The following RBPJ variants were observed in gnomAD, a reference collection of about 807,000 sequenced individuals.
RBPJ encodes recombining binding protein suppressor of hairless.
RBPJ carries 9 observed loss-of-function variants against 67.8 expected under a neutral mutation model. That is an observed-to-expected ratio of 0.13 (90% confidence interval 0.08 to 0.23). The LOEUF (loss-of-function observed/expected upper bound fraction) is 0.23. Ranked by LOEUF, RBPJ falls within the 10% of genes least tolerant of loss-of-function variation. RBPJ has a pLI of 1.00. For missense variants in RBPJ, 305 were observed against 595.6 expected (o/e 0.51, Z 5.08); for synonymous variants, 198 against 203.3 (o/e 0.97, Z 0.22).
At chr4:26,349,245 A>T (rs1357678157) in intron 1 of RBPJ, among the ~76,000 whole-genome samples, 1 of 151,570 alleles carries the variant, frequency 6.6e-6, no homozygotes, top group Non-Finnish European at 1.5e-5. Flanking sequence ...TGTTTTTAAA[A>T]TTTTTTTGTA....
At chr4:26,167,937 C>T (rs1197887170) in intron 1 of RBPJ, among the ~76,000 whole-genome samples, 1 of 151,944 alleles carries the variant, frequency 6.6e-6, no homozygotes, top group African/African-American at 2.4e-5. Flanking sequence ...AGATCTTCCT[C>T]CATCCTTTTA....
chr4:26,404,523 A>G (rs1404166763), intron 2 of RBPJ, among the ~76,000 whole-genome samples: 1 of 152,178 alleles, frequency 6.6e-6, no homozygotes, highest in Admixed American at 6.6e-5. Context: ...GCCGTGGCTC[A>G]CCTTAGAATC....
upstream of RBPJ, among the ~76,000 whole-genome samples, chr4:26,162,261 C>T (rs1716101361): frequency 1.3e-5 from 2 of 152,218 alleles, no homozygotes; most frequent in African/African-American, 4.8e-5. Flanking sequence ...CCGACCGTCT[C>T]ACTTTGCCTG....
the RBPJ span, among the ~76,000 whole-genome samples, chr4:26,136,541 C>G: frequency 6.6e-6 from 1 of 152,216 alleles, no homozygotes; most frequent in Non-Finnish European, 1.5e-5. Flanking sequence ...TGGATGGAAA[C>G]AGTCAGCTAC....
intron 1 of RBPJ, among the ~76,000 whole-genome samples, chr4:26,333,312 A>G (rs1297592296): frequency 6.6e-6 from 1 of 152,202 alleles, no homozygotes; most frequent in Non-Finnish European, 1.5e-5. Flanking sequence ...AGTTTTGCAA[A>G]CATAATATTA....
At chr4:26,398,013 T>C (rs1393691574) in intron 2 of RBPJ, among the ~76,000 whole-genome samples, 1 of 152,210 alleles carries the variant, frequency 6.6e-6, no homozygotes, top group Non-Finnish European at 1.5e-5. Flanking sequence ...TTGATGACTG[T>C]GGCCTATTGT....
At chr4:26,385,289 GGGATTACAGGTGT>G (rs965410866) in intron 1 of RBPJ, among the ~76,000 whole-genome samples, 52 of 151,964 alleles carry the variant, frequency 3.4e-4, no homozygotes, top group African/African-American at 1.3e-3. Flanking sequence ...CCAAAGTACT[GGGATTACAGGTGT>G]GAGCCACTGC....
chr4:26,239,664 T>C (rs1719567899), intron 1 of RBPJ, among the ~76,000 whole-genome samples: 1 of 147,376 alleles, frequency 6.8e-6, no homozygotes, highest in Non-Finnish European at 1.5e-5. Flanking sequence ...GCATCCTTTA[T>C]AGTGCACTGG....
the RBPJ span, among the ~76,000 whole-genome samples, chr4:26,109,662 C>A: frequency 9.4e-4 from 82 of 87,120 alleles, 6 homozygotes; most frequent in East Asian, 6.0e-3. Flanking sequence ...CTCTCTCTCT[C>A]TCTCTCTATA....
chr4:26,279,591 A>G (rs568788747), intron 1 of RBPJ, among the ~76,000 whole-genome samples: 1 of 152,190 alleles, frequency 6.6e-6, no homozygotes, highest in East Asian at 1.9e-4. Flanking sequence ...GATATTTTCA[A>G]TGTTTACACA....
intron 1 of RBPJ, among the ~76,000 whole-genome samples, chr4:26,218,233 G>A (rs941363037): frequency 6.6e-6 from 1 of 152,146 alleles, no homozygotes; most frequent in African/African-American, 2.4e-5. Flanking sequence ...CGGTGGGTAC[G>A]TGCAAACACA....
chr4:26,113,218 A>G, the RBPJ span: 2 of 290,550 alleles, frequency 6.9e-6, no homozygotes, highest in Non-Finnish European at 1.4e-5. Flanking sequence ...GATAGTACAC[A>G]TGGGGGGAAG....
chr4:26,209,563 C>A (rs1191197099), intron 1 of RBPJ, among the ~76,000 whole-genome samples: 1 of 149,662 alleles, frequency 6.7e-6, no homozygotes, highest in Non-Finnish European at 1.5e-5. Context: ...CCCTGTCTCC[C>A]TCCCTTCCTC....
chr4:26,125,208 T>G, the RBPJ span, among the ~76,000 whole-genome samples: 3 of 152,186 alleles, frequency 2.0e-5, no homozygotes, highest in South Asian at 6.2e-4. Context: ...GGCTGGGAAA[T>G]GTAGGCTATA....
chr4:26,410,477 ATTATT>A (rs1434083666), intron 3 of RBPJ, among the ~76,000 whole-genome samples: 2 of 152,232 alleles, frequency 1.3e-5, no homozygotes, highest in African/African-American at 4.8e-5. Flanking sequence ...TTTTTAAAAG[ATTATT>A]TTATCTAGAG....
intron 1 of RBPJ, among the ~76,000 whole-genome samples, chr4:26,276,115 A>G (rs1721072485): frequency 6.6e-6 from 1 of 151,084 alleles, no homozygotes; most frequent in African/African-American, 2.4e-5. Context: ...TCTCTACTAA[A>G]AATACAAAAA....
At position 26,433,248 on chromosome 4, in the gene RBPJ, T is replaced by C. The variant is rs1269950076; in HGVS notation, c.*2241T>C. 1.3e-5 allele frequency: 2 copies of C among 152,216 alleles called. No homozygotes were observed. The highest frequency in any genetic ancestry group is 2.9e-5 in the Non-Finnish European group (2 of 68,028). 9.4% of individuals were successfully genotyped at this position (152,216 alleles called of 1,614,324 possible). On this transcript the variant is annotated 3_prime_UTR_variant, in exon 11 of 11. Transcript: ENST00000355476. ...TCACTGTCTCTTTCTTACAGACCACTTATTTCTGAGTAGTAGTTATTCCTC... is the reference window on the plus strand; with the variant it reads ...TCACTGTCTCTTTCTTACAGACCACCTATTTCTGAGTAGTAGTTATTCCTC...
intron 1 of RBPJ, among the ~76,000 whole-genome samples, chr4:26,357,285 C>G (rs1445324821): frequency 6.6e-6 from 1 of 151,950 alleles, no homozygotes; most frequent in Non-Finnish European, 1.5e-5. Context: ...TAAGGAAGAA[C>G]TTAATGAAGG....
Position 26,293,608 on chromosome 4 carries a change from C to G in RBPJ, c.-166-68838C>G, listed in dbSNP as rs186522921. On this transcript the variant is annotated intron_variant, in intron 1 of 4. Coordinates refer to the RBPJ transcript ENST00000512351. ...CTGTGATTGTGCCATAGTACTCCAG[C>G]CTGGGTGACAGAGTGAGACCATGTC... Among the ~76,000 whole-genome samples the G allele has an allele frequency of 5.3e-3, 799 of 150,258 alleles. 34 individuals are homozygous for G. Among genetic ancestry groups the G allele is most frequent in the Middle Eastern group, 0.014 (4 of 294 alleles).
Sources: allele counts gnomAD v4.1 joint callset (sites outside exome capture counted in the v4.1 genomes callset), GRCh38; gene constraint gnomAD v4.1.1; transcripts MANE v1.5; gene names NCBI Gene and HGNC (gene_info 2026-07-23, HGNC 2026-07-21).